EXOC2: variants seen among roughly 807,000 people sequenced by gnomAD.
The protein encoded by EXOC2 is SEC5-like 1.
Under a neutral mutation model 131.8 loss-of-function variants are expected in EXOC2, and 70 were observed. That is an observed-to-expected ratio of 0.53 (90% CI 0.44 to 0.65). The LOEUF is 0.65. Ranked by LOEUF, EXOC2 falls within the 30% of genes least tolerant of loss-of-function variation. The probability of loss-of-function intolerance (pLI) is 0.00; values close to 1 mark genes in which losing one functional copy is unlikely to be tolerated. For missense variants in EXOC2, 923 were observed against 1,108.6 expected (o/e 0.83, Z 2.38); for synonymous variants, 411 against 398.4 (o/e 1.03, Z -0.38).
intron 7 of EXOC2, among the ~76,000 whole-genome samples, chr6:607,318 T>A (rs1760472037): frequency 6.6e-6 from 1 of 152,208 alleles, no homozygotes; most frequent in East Asian, 1.9e-4. Context: ...ACTTACTACT[T>A]ACATAACCTT....
intron 22 of EXOC2, among the ~76,000 whole-genome samples, chr6:538,243 C>A (rs1467054948): frequency 5.3e-5 from 8 of 152,172 alleles, no homozygotes; most frequent in East Asian, 1.9e-4. Flanking sequence ...AGGAAACTTG[C>A]ATAGCACACT....
rs59477170 is a variant in EXOC2 at position 629,882 on chromosome 6, C to T, written c.375G>A (p.Pro125=). ...DMRTDRNKGI[P]PLSLRPANPL... ...GGTTAGCAGGACGTAAGGACAAGGG[C>T]GGAATTCCTTTGTTCCTGTCAGTGC... The change falls in exon 4 of 28, where the codon CCG becomes CCA. Residue 125 remains proline, a synonymous_variant. Coordinates refer to ENST00000230449, the MANE Select transcript of EXOC2 (RefSeq NM_018303.6). 1.1e-3 allele frequency: 1,713 copies of T among 1,614,040 alleles called. 13 individuals carry two copies. The African/African-American group carries it at 0.02, about 19-fold the overall frequency.
intron 24 of EXOC2, among the ~76,000 whole-genome samples, chr6:498,527 T>C (rs942997616): frequency 2.6e-5 from 4 of 152,248 alleles, no homozygotes; most frequent in African/African-American, 9.6e-5. Context: ...ACTTCCTGCC[T>C]GAGTTAAATC....
At position 550,208 on chromosome 6, in the gene EXOC2, CACAT is replaced by C. The variant is rs147296084; in HGVS notation, c.2122-921_2122-918del. On this transcript the variant is annotated intron_variant, in intron 21 of 27. Coordinates refer to ENST00000230449, the MANE Select transcript of EXOC2 (RefSeq NM_018303.6). ...ACCTTTGGCAAAAAACACTTTCCAT[CACAT>C]ACTCTGCATGCTCTTTCTGTGCATA... 2.7e-3 allele frequency among the ~76,000 whole-genome samples: 413 copies of C among 152,346 alleles called. 12 individuals carry two copies. The East Asian group carries it at 0.068, about 25-fold the overall frequency.
chr6:502,555 C>T (rs979996080), intron 23 of EXOC2, among the ~76,000 whole-genome samples: 7 of 151,898 alleles, frequency 4.6e-5, no homozygotes, highest in Non-Finnish European at 7.4e-5. Context: ...TAAGACACCC[C>T]GTAAAAGAGG....
chr6:612,614 A>G (rs1760770393), intron 6 of EXOC2, among the ~76,000 whole-genome samples: 1 of 152,250 alleles, frequency 6.6e-6, no homozygotes. Flanking sequence ...ATTCTCACTT[A>G]GATAACTGAG....
chr6:687,541 G>A (rs892508664), intron 1 of EXOC2, among the ~76,000 whole-genome samples: 1 of 151,972 alleles, frequency 6.6e-6, no homozygotes, highest in African/African-American at 2.4e-5. Flanking sequence ...GCGATACAAT[G>A]ACTAGTCACC....
intron 1 of EXOC2, among the ~76,000 whole-genome samples, chr6:653,087 T>C (rs1038715859): frequency 1.3e-5 from 2 of 152,206 alleles, no homozygotes; most frequent in Non-Finnish European, 2.9e-5. Context: ...GGGAACTTAA[T>C]TGATAAATGT....
At chr6:528,737 T>C (rs924380765) in intron 23 of EXOC2, among the ~76,000 whole-genome samples, 33 of 152,198 alleles carry the variant, frequency 2.2e-4, no homozygotes, top group Admixed American at 1.3e-3. Context: ...AATTTTGTAG[T>C]GAAGATTATC....
intron 24 of EXOC2, among the ~76,000 whole-genome samples, chr6:499,248 T>A (rs144305532): frequency 2.6e-5 from 4 of 152,258 alleles, no homozygotes; most frequent in Admixed American, 6.5e-5. Context: ...GCTACAGGAA[T>A]CAGATACCAG....
chr6:645,792 C>T (rs956216628), intron 1 of EXOC2, among the ~76,000 whole-genome samples: 1 of 152,074 alleles, frequency 6.6e-6, no homozygotes, highest in Non-Finnish European at 1.5e-5. Flanking sequence ...CTCCCAAATA[C>T]CATTTTTCAA....
At chr6:579,022 T>C (rs1358339431) in intron 11 of EXOC2, among the ~76,000 whole-genome samples, 1 of 152,092 alleles carries the variant, frequency 6.6e-6, no homozygotes, top group Non-Finnish European at 1.5e-5. Flanking sequence ...AACTTCTAAT[T>C]TATATTAAAA....
In EXOC2 at chr6:685,277, C is replaced by T. The variant is rs188085398; in HGVS notation, c.-44+7742G>A. On this transcript the variant is annotated intron_variant, in intron 1 of 27. Transcript: ENST00000230449. ...CCAGAACCACTTTGGGTCCAGAGGA[C>T]CCCAGAAGAATCCTGTTGCAGAGCT... 4.3e-4 allele frequency among the ~76,000 whole-genome samples: 66 copies of T among 152,252 alleles called. No individual in the cohort carries two copies. The East Asian group carries it at 9.3e-3, about 21-fold the overall frequency.
chr6:608,685 G>A (rs1028413195), intron 7 of EXOC2, among the ~76,000 whole-genome samples: 4 of 152,156 alleles, frequency 2.6e-5, no homozygotes, highest in Admixed American at 6.5e-5. Context: ...ACTATGGTAA[G>A]CCTAACACAT....
At chr6:501,201 AT>A (rs376672193) in intron 23 of EXOC2, among the ~76,000 whole-genome samples, 165 of 11,750 alleles carry the variant, frequency 0.014, 26 homozygotes, top group Middle Eastern at 0.33. Context: ...ATCTATATAT[AT>A]TATATATATA....
intron 6 of EXOC2, among the ~76,000 whole-genome samples, chr6:611,374 G>A (rs926376637): frequency 6.6e-6 from 1 of 152,178 alleles, no homozygotes; most frequent in Non-Finnish European, 1.5e-5. Context: ...CAGACACTGC[G>A]CTGAGATGTC....
At chr6:671,770 GTC>G (rs1763883583) in intron 1 of EXOC2, among the ~76,000 whole-genome samples, 1 of 152,098 alleles carries the variant, frequency 6.6e-6, no homozygotes, top group Admixed American at 6.6e-5. Context: ...CTGAAAAAAA[GTC>G]TGATGTAATT....
intron 22 of EXOC2, among the ~76,000 whole-genome samples, chr6:537,317 ATGACGGCCGACGGAGCGTACACTCGAGT>A (rs1371854119): frequency 1.5e-5 from 2 of 132,442 alleles, no homozygotes; most frequent in African/African-American, 5.8e-5. Context: ...CACACACGAG[ATGACGGCCGACGGAGCGTACACTCGAGT>A]TGACGGCCGA....
At chr6:541,022 T>G (rs1222326873) in intron 22 of EXOC2, among the ~76,000 whole-genome samples, 1 of 152,202 alleles carries the variant, frequency 6.6e-6, no homozygotes, top group Non-Finnish European at 1.5e-5. Flanking sequence ...GAATGTGGTA[T>G]CCAAAACGTA....
Sources: allele counts gnomAD v4.1 joint callset (sites outside exome capture counted in the v4.1 genomes callset), GRCh38; gene constraint gnomAD v4.1.1; transcripts MANE v1.5; gene names NCBI Gene and HGNC (gene_info 2026-07-23, HGNC 2026-07-21).